The following GGNBP2 variants were observed in gnomAD, a reference collection of about 807,000 sequenced individuals.
GGNBP2 encodes gametogenetin binding protein 2, also known as gametogenetin-binding protein 2.
GGNBP2 carries 10 observed loss-of-function variants against 85.9 expected under a neutral mutation model. The ratio of observed to expected loss-of-function variants is 0.12; its 90% CI spans 0.07 to 0.20. The LOEUF (loss-of-function observed/expected upper bound fraction) is 0.20. Among genes scored for constraint, GGNBP2 ranks in the 10% least tolerant of loss-of-function variants. The pLI is 1.00. For synonymous variants in GGNBP2, 287 were observed against 285.7 expected, an observed-to-expected ratio of 1.00 and a Z score of -0.05; for missense variants, 595 against 857.8, an observed-to-expected ratio of 0.69 and a Z score of 3.83.
chr17:36,568,519 A>G (rs928755206), intron 6 of GGNBP2, among the ~76,000 whole-genome samples: 2 of 150,082 alleles, frequency 1.3e-5, no homozygotes, highest in Admixed American at 1.3e-4. Context: ...CTGGTCTCGA[A>G]CTCCTGACCT....
intron 6 of GGNBP2, 150 bp from the exon 7 acceptor site, chr17:36,577,833 A>G: frequency 1.5e-6 from 1 of 662,690 alleles, no homozygotes; most frequent in Non-Finnish European, 2.7e-6. Context: ...ATTTGTATTT[A>G]CCTTATGTGC....
At position 36,554,691 on chromosome 17, in the gene GGNBP2, A is replaced by G. The variant is rs193085851; in HGVS notation, c.94-129A>G. ...GCACCAGGCCATGTACTTGGATTTA[A>G]CAAAATTTTTTGAGGGGCTAGGGAT... On this transcript the variant is annotated intron_variant, in intron 2 of 13. Coordinates refer to ENST00000613102, the MANE Select transcript of GGNBP2 (RefSeq NM_024835.5). The G allele has an allele frequency of 4.1e-4, 276 of 679,410 alleles. 1 individual carries two copies. The highest frequency in any genetic ancestry group is 2.2e-3 in the African/African-American group (120 of 55,724). The allele number at this position is 679,410 out of a possible 1,614,324, so 42.1% of individuals were successfully genotyped here. A position where few individuals can be genotyped will look rare whatever the true frequency, so the allele number is the denominator to read the frequency against.
At position 36,557,245 on chromosome 17, in the gene GGNBP2, C is replaced by A; in HGVS notation, c.337C>A (p.Pro113Thr). Residue 113 changes from proline to threonine, a missense_variant, in exon 4 of 14, where the codon CCC (proline) becomes ACC (threonine). By Grantham distance (38) the Pro-to-Thr change is conservative (BLOSUM62 -1). Coordinates refer to ENST00000613102, the MANE Select transcript of GGNBP2 (RefSeq NM_024835.5). ...LVESGNPALEPLTVGPKGVLS... is the reference protein window; with the variant it reads ...LVESGNPALETLTVGPKGVLS... The stretch of plus-strand genomic sequence containing the variant: ...AGAGTCTGGAAATCCTGCTCTTGAA[C>A]CCCTAACAGTAGGGCCCAAGGGAGT... 1.9e-6 allele frequency: 3 copies of A among 1,614,100 alleles called. No individual in the cohort carries two copies. The highest frequency in any genetic ancestry group is 2.5e-6 in the Non-Finnish European group (3 of 1,180,018).
chr17:36,572,412 A>T (rs2074534924), intron 6 of GGNBP2, among the ~76,000 whole-genome samples: 1 of 152,142 alleles, frequency 6.6e-6, no homozygotes. Context: ...AACACAAAAT[A>T]AGGCTAAGCA....
At chr17:36,587,480 ATTCC>A in intron 13 of GGNBP2, 2 of 507,736 alleles carry the variant, frequency 3.9e-6, no homozygotes, top group Non-Finnish European at 7.1e-6. Context: ...CATTATAGGT[ATTCC>A]TTGAGTTACA....
intron 6 of GGNBP2, among the ~76,000 whole-genome samples, chr17:36,572,928 C>T (rs1427475654): frequency 1.3e-5 from 2 of 152,004 alleles, no homozygotes; most frequent in Non-Finnish European, 2.9e-5. Context: ...GATAATGTAG[C>T]ACTTGAATTT....
intron 6 of GGNBP2, chr17:36,575,288 G>A (rs1177022151): frequency 2.8e-5 from 15 of 526,612 alleles, no homozygotes; most frequent in Admixed American, 1.2e-4. Flanking sequence ...CATCCCAGGC[G>A]ATCCCCACCA....
intron 6 of GGNBP2, among the ~76,000 whole-genome samples, chr17:36,571,125 A>C (rs2074519891): frequency 6.6e-6 from 1 of 152,222 alleles, no homozygotes; most frequent in African/African-American, 2.4e-5. Context: ...TAATAAACTG[A>C]AACCTCTGCC....
chr17:36,552,970 C>T (rs1327727716), intron 2 of GGNBP2, among the ~76,000 whole-genome samples: 7 of 139,310 alleles, frequency 5.0e-5, no homozygotes, highest in African/African-American at 1.6e-4. Flanking sequence ...TGCAGTGAGC[C>T]GAGATTGTGC....
intron 5 of GGNBP2, among the ~76,000 whole-genome samples, chr17:36,566,576 G>A (rs538914552): frequency 6.6e-6 from 1 of 152,208 alleles, no homozygotes; most frequent in African/African-American, 2.4e-5. Context: ...CTATTCGGGA[G>A]GCTGAGGTAG....
chr17:36,585,554 C>A, intron 10 of GGNBP2, 104 bp downstream of exon 10: 1 of 782,078 alleles, frequency 1.3e-6, no homozygotes, highest in Non-Finnish European at 2.0e-6. Flanking sequence ...TTTAAAACTG[C>A]TTTATAGTTC....
intron 13 of GGNBP2, among the ~76,000 whole-genome samples, chr17:36,587,755 C>T (rs913405483): frequency 3.9e-5 from 6 of 152,244 alleles, no homozygotes; most frequent in Non-Finnish European, 4.4e-5. Flanking sequence ...GGCATGGTGG[C>T]GTGTGCCAGT....
At chr17:36,555,672 G>A (rs373694373) in intron 3 of GGNBP2, among the ~76,000 whole-genome samples, 3 of 152,262 alleles carry the variant, frequency 2.0e-5, no homozygotes, top group African/African-American at 7.2e-5. Context: ...CTCCAGCCTG[G>A]GCAATAGAGT....
rs2074691932 is a variant in GGNBP2 at position 36,585,455 on chromosome 17, GTAAA to G, written c.1366+9_1366+12del. The G allele has an allele frequency of 1.4e-5, 22 of 1,571,184 alleles. No homozygotes were observed. The highest frequency in any genetic ancestry group is 1.9e-5 in the Admixed American group (1 of 53,864). On this transcript the variant is annotated splice_donor_region_variant and intron_variant, in intron 10 of 13. Coordinates refer to ENST00000613102, the MANE Select transcript of GGNBP2 (RefSeq NM_024835.5). ...GGTCCCCTAAAATAAAGAAAGGTAA[GTAAA>G]TAATTTCTTTTTAAAATGAACTCTT...
chr17:36,548,723 T>G (rs905916456), intron 2 of GGNBP2, among the ~76,000 whole-genome samples: 3 of 149,240 alleles, frequency 2.0e-5, no homozygotes, highest in Non-Finnish European at 3.0e-5. Flanking sequence ...GCTGGCAGAT[T>G]GCCTGAGCTC....
intron 5 of GGNBP2, among the ~76,000 whole-genome samples, chr17:36,562,029 C>T (rs1000720231): frequency 1.3e-5 from 2 of 152,176 alleles, no homozygotes; most frequent in South Asian, 2.1e-4. Context: ...CAGCACAGTG[C>T]CATAGTTGTC....
At chr17:36,575,638 ATATATATATATT>A (rs1159056288) in intron 6 of GGNBP2, among the ~76,000 whole-genome samples, 19 of 46,290 alleles carry the variant, frequency 4.1e-4, no homozygotes, top group Middle Eastern at 0.012. Flanking sequence ...ATATATATAT[ATATATATATATT>A]TTTTTTTTTT....
chr17:36,581,357 A>T lies in GGNBP2; in HGVS notation c.1034A>T (p.Lys345Ile). Residue 345 changes from lysine (K) to isoleucine (I), a missense_variant, in exon 9 of 14, where the codon AAA (lysine) becomes ATA (isoleucine). Transcript: ENST00000613102. ...TTTTTATAATAGATGACCGTGGAAAAAGTACAGGGTATTAGCAGATTGGAA... is the reference window on the plus strand; with the variant it reads ...TTTTTATAATAGATGACCGTGGAAATAGTACAGGGTATTAGCAGATTGGAA... The part of the protein sequence containing the change: ...LRKSFEMTVE[K>I]VQGISRLEQL... 1 of 1,592,354 alleles carries T rather than the reference A, an allele frequency of 6.3e-7. No homozygotes were observed. The highest frequency in any genetic ancestry group is 1.1e-5 in the South Asian group (1 of 87,638).
At chr17:36,553,854 T>C (rs2074334576) in intron 2 of GGNBP2, among the ~76,000 whole-genome samples, 1 of 152,198 alleles carries the variant, frequency 6.6e-6, no homozygotes, top group Admixed American at 6.5e-5. Context: ...GTACTAAAAA[T>C]CTGTGGTGTG....
Sources: allele counts gnomAD v4.1 joint callset (sites outside exome capture counted in the v4.1 genomes callset), GRCh38; gene constraint gnomAD v4.1.1; transcripts MANE v1.5; gene names NCBI Gene and HGNC (gene_info 2026-07-23, HGNC 2026-07-21).